Variants in ANKRD31 observed in about 807,000 individuals in gnomAD.
ANKRD31 encodes ankyrin repeat domain 31.
Under a neutral mutation model 186.0 loss-of-function variants are expected in ANKRD31, and 147 were observed. The ratio of observed to expected loss-of-function variants is 0.79; its 90% CI spans 0.69 to 0.91. The LOEUF (loss-of-function observed/expected upper bound fraction) is 0.91, where lower values mean the gene tolerates loss of function less well. Ranked by LOEUF, ANKRD31 falls within the 40% of genes least tolerant of loss-of-function variation. The pLI is 0.00. For synonymous variants in ANKRD31, 673 were observed against 736.4 expected (o/e 0.91, Z 1.39); for missense variants, 1,986 against 2,148.8 (o/e 0.92, Z 1.50).
intron 3 of ANKRD31, among the ~76,000 whole-genome samples, chr5:75,216,600 G>A (rs1340960021): frequency 1.3e-5 from 2 of 152,100 alleles, no homozygotes; most frequent in East Asian, 3.8e-4. Flanking sequence ...GATATTTGGT[G>A]TTAAATGTTT....
intron 23 of ANKRD31, among the ~76,000 whole-genome samples, chr5:75,086,367 A>T (rs1745479880): frequency 1.3e-5 from 2 of 152,348 alleles, no homozygotes; most frequent in South Asian, 4.1e-4. Flanking sequence ...TCACTTCTAG[A>T]AAATGTGCAT....
chr5:75,156,662 AAG>A (rs1752201266), intron 11 of ANKRD31, among the ~76,000 whole-genome samples: 1 of 152,188 alleles, frequency 6.6e-6, no homozygotes, highest in Non-Finnish European at 1.5e-5. Flanking sequence ...ATCCTTAAGA[AAG>A]AGGCTGAGCA....
At position 75,107,446 on chromosome 5, in the gene ANKRD31, A is replaced by C. The variant is rs148037508; in HGVS notation, c.4340+75T>G. ...AGTGTTTGTATTCTTAAGAAATTCT[A>C]GACAACTATTGCAGCTAAAAATGGA... On this transcript the variant is annotated intron_variant, in intron 21 of 25. Coordinates refer to ENST00000506364, the MANE Select transcript of ANKRD31 (RefSeq NM_001372053.1). 910 of 1,017,064 alleles carry C rather than the reference A, an allele frequency of 8.9e-4. 5 individuals carry two copies. The African/African-American group carries it at 0.013, about 15-fold the overall frequency. The allele number at this position is 1,017,064 out of a possible 1,614,324, so 63.0% of individuals were successfully genotyped here. A position where few individuals can be genotyped will look rare whatever the true frequency, so the allele number is the denominator to read the frequency against.
At chr5:75,113,693 T>A (rs1447236277) in intron 19 of ANKRD31, among the ~76,000 whole-genome samples, 2 of 152,198 alleles carry the variant, frequency 1.3e-5, no homozygotes, top group African/African-American at 4.8e-5. Flanking sequence ...ATAAAAGATA[T>A]TTTAAAAGTA....
intron 25 of ANKRD31, among the ~76,000 whole-genome samples, chr5:75,076,932 T>A (rs980041809): frequency 6.6e-6 from 1 of 152,164 alleles, no homozygotes; most frequent in Non-Finnish European, 1.5e-5. Context: ...ATTATCTCAA[T>A]AGGTAGTAAA....
At position 75,169,062 on chromosome 5, in the gene ANKRD31, A is replaced by C; in HGVS notation, c.1624T>G (p.Leu542Val). 6.5e-7 allele frequency: 1 copy of C among 1,536,980 alleles called. No individual in the cohort carries two copies. The stretch of plus-strand genomic sequence containing the variant: ...ATATTTACATCTGCTCCACCTTTTA[A>C]TAGTTCACTTGCTGTCCGATAAAAT... ...GGFYRTASEL[L>V]KGGADVNIKG... The change falls in exon 11 of 26, where the codon TTA becomes GTA. Residue 542 changes from leucine (L) to valine (V), a missense_variant. Leu to Val is a conservative substitution (Grantham distance 32). Coordinates refer to ENST00000506364, the MANE Select transcript of ANKRD31 (RefSeq NM_001372053.1).
chr5:75,101,100 G>A (rs1234752114), intron 22 of ANKRD31, among the ~76,000 whole-genome samples: 4 of 152,206 alleles, frequency 2.6e-5, no homozygotes, highest in African/African-American at 9.7e-5. Context: ...TCCTTCAGGA[G>A]CTCTTGTAAG....
chr5:75,146,956 G>C lies in ANKRD31; in HGVS notation c.2455C>G (p.Gln819Glu). Residue 819 changes from glutamine (Q) to glutamate (E), a missense_variant, in exon 14 of 26, where the codon CAA (glutamine) becomes GAA (glutamate). Physicochemically the swap from Gln to Glu is conservative, Grantham distance 29. Transcript: ENST00000506364. Reference sequence around the variant, plus strand: ...TCTAATTCCAAGCATTGAACTTCTTGACTATCTGATAAATCCAGGTTCTGG... The same window carrying C: ...TCTAATTCCAAGCATTGAACTTCTTCACTATCTGATAAATCCAGGTTCTGG... Reference protein sequence around the residue: ...HIQNLDLSDSQEVQCLELESV... With the variant: ...HIQNLDLSDSEEVQCLELESV... 1 of 1,536,316 alleles carries C rather than the reference G, an allele frequency of 6.5e-7. No homozygotes were observed. The highest frequency in any genetic ancestry group is 8.7e-7 in the Non-Finnish European group (1 of 1,146,300).
chr5:75,100,798 A>G (rs1445783121), intron 22 of ANKRD31, among the ~76,000 whole-genome samples: 1 of 151,826 alleles, frequency 6.6e-6, no homozygotes, highest in African/African-American at 2.4e-5. Flanking sequence ...CCATCCCTTT[A>G]TTTTGAGCCT....
chr5:75,159,050 T>C (rs918642670), intron 11 of ANKRD31, among the ~76,000 whole-genome samples: 1 of 151,982 alleles, frequency 6.6e-6, no homozygotes, highest in Non-Finnish European at 1.5e-5. Context: ...AAAAATCAAA[T>C]GGAAATTCTG....
intron 23 of ANKRD31, among the ~76,000 whole-genome samples, chr5:75,090,443 G>T (rs1027833151): frequency 7.2e-5 from 11 of 152,174 alleles, no homozygotes; most frequent in African/African-American, 2.7e-4. Context: ...AAAGGGGACT[G>T]GGAGGGAGAG....
chr5:75,103,306 C>G (rs912537195), intron 22 of ANKRD31, among the ~76,000 whole-genome samples: 1 of 152,190 alleles, frequency 6.6e-6, no homozygotes, highest in African/African-American at 2.4e-5. Flanking sequence ...GAGATACCCT[C>G]TCACACCACT....
intron 17 of ANKRD31, 141 bp downstream of exon 17, chr5:75,137,715 C>G: frequency 1.4e-6 from 1 of 697,272 alleles, no homozygotes. Flanking sequence ...ATTATTGTAT[C>G]TTCATTTGTA....
intron 11 of ANKRD31, among the ~76,000 whole-genome samples, chr5:75,159,577 C>T (rs149679847): frequency 2.4e-3 from 362 of 150,894 alleles, no homozygotes; most frequent in African/African-American, 8.4e-3. Flanking sequence ...TGGGATGAGA[C>T]AGTCAAAATG....
intron 10 of ANKRD31, among the ~76,000 whole-genome samples, chr5:75,184,326 A>G (rs1754549713): frequency 6.6e-6 from 1 of 152,114 alleles, no homozygotes; most frequent in Non-Finnish European, 1.5e-5. Flanking sequence ...ATGCTTCATG[A>G]CACTAGGCAA....
intron 17 of ANKRD31, among the ~76,000 whole-genome samples, chr5:75,129,986 T>C (rs529803439): frequency 6.6e-6 from 1 of 152,340 alleles, no homozygotes; most frequent in African/African-American, 2.4e-5. Context: ...GGGTTCTTGG[T>C]CTCTCTGACT....
At chr5:75,136,892 T>C in intron 17 of ANKRD31, among the ~76,000 whole-genome samples, 1 of 152,156 alleles carries the variant, frequency 6.6e-6, no homozygotes, top group East Asian at 1.9e-4. Context: ...GAAACCATCA[T>C]TCTGAGCAAA....
intron 11 of ANKRD31, among the ~76,000 whole-genome samples, chr5:75,165,469 G>C (rs1172873584): frequency 1.3e-5 from 2 of 152,074 alleles, no homozygotes; most frequent in Non-Finnish European, 2.9e-5. Flanking sequence ...CATACGAGTA[G>C]GTAGAGAACG....
At chr5:75,202,966 G>A (rs1006234218) in intron 5 of ANKRD31, among the ~76,000 whole-genome samples, 3 of 152,156 alleles carry the variant, frequency 2.0e-5, no homozygotes, top group Admixed American at 2.0e-4. Context: ...ATTTTTTAGA[G>A]ATGGGGGTCT....
Sources: gnomAD v4.1 joint callset for allele counts (sites outside exome capture counted in the v4.1 genomes callset) on GRCh38, gnomAD v4.1.1 for gene constraint, MANE v1.5 for transcripts, NCBI Gene and HGNC (gene_info 2026-07-23, HGNC 2026-07-21) for gene names.